ZPBP: variants seen among roughly 807,000 people sequenced by gnomAD.
ZPBP encodes zona pellucida binding protein, also known as zona pellucida-binding protein 1.
In ZPBP, 26 loss-of-function variants were observed where a neutral mutation model predicts 44.8. The observed-to-expected ratio is 0.58, with a 90% CI of 0.43 to 0.81. The LOEUF is 0.81. Among genes scored for constraint, ZPBP ranks in the 30% least tolerant of loss-of-function variants. The pLI, the probability that ZPBP is intolerant of heterozygous loss-of-function variation, is 0.00. For missense variants in ZPBP, 409 were observed against 434.0 expected (o/e 0.94, Z 0.51); for synonymous variants, 174 against 153.2 (o/e 1.14, Z -1.00).
At chr7:49,892,976 C>A (rs1406100243) in intron 2 of ZPBP, among the ~76,000 whole-genome samples, 3 of 152,082 alleles carry the variant, frequency 2.0e-5, no homozygotes, top group Non-Finnish European at 4.4e-5. Context: ...TTTAATGAAG[C>A]CTGTCCCCAA....
At chr7:50,037,529 G>C (rs1165918021) in intron 4 of ZPBP, among the ~76,000 whole-genome samples, 2 of 152,192 alleles carry the variant, frequency 1.3e-5, no homozygotes, top group Non-Finnish European at 2.9e-5. Flanking sequence ...GTCTTACCAT[G>C]ATGGAGCAGG....
intron 2 of ZPBP, among the ~76,000 whole-genome samples, chr7:49,870,414 A>G (rs898430032): frequency 6.6e-6 from 1 of 152,240 alleles, no homozygotes; most frequent in African/African-American, 2.4e-5. Context: ...AAATAAAAAA[A>G]TAAAAATTGT....
chr7:49,944,324 G>C (rs1041530120), intron 7 of ZPBP: 2 of 251,868 alleles, frequency 7.9e-6, no homozygotes, highest in Non-Finnish European at 1.6e-5. Flanking sequence ...ATTCAGGCCT[G>C]AGACTGTGGC....
At chr7:50,086,118 C>G (rs565694145) in intron 2 of ZPBP, among the ~76,000 whole-genome samples, 4 of 152,170 alleles carry the variant, frequency 2.6e-5, no homozygotes, top group African/African-American at 7.2e-5. Context: ...GCTAATTAAG[C>G]AGAGATTTCA....
chr7:50,072,133 G>A (rs1263824970), intron 3 of ZPBP, among the ~76,000 whole-genome samples: 1 of 152,236 alleles, frequency 6.6e-6, no homozygotes, highest in Admixed American at 6.5e-5. Flanking sequence ...CCTGGGGCCA[G>A]ACAACAGTCC....
chr7:50,080,402 C>T (rs1354884480), intron 3 of ZPBP, among the ~76,000 whole-genome samples: 12 of 151,640 alleles, frequency 7.9e-5, no homozygotes, highest in African/African-American at 2.7e-4. Context: ...TTTATCAATA[C>T]CTACTTTTCT....
chr7:49,976,958 CGG>C (rs955380807), intron 7 of ZPBP, among the ~76,000 whole-genome samples: 3 of 151,836 alleles, frequency 2.0e-5, no homozygotes, highest in Non-Finnish European at 4.4e-5. Flanking sequence ...AAAAATTACC[CGG>C]GCACGGTGGT....
At position 49,898,147 on chromosome 7, in the gene ZPBP, A is replaced by G. The variant is rs182899747; in HGVS notation, n.509+2971T>C. On this transcript the variant is annotated intron_variant and non_coding_transcript_variant, in intron 2 of 2. Coordinates refer to the ZPBP transcript ENST00000465922. ...TGTGTGTGTATGTATGTGTGTGTGT[A>G]TATATATGTGTATGCTTTATATGTG... Among the ~76,000 whole-genome samples the G allele has an allele frequency of 4.6e-3, 695 of 151,970 alleles. 4 individuals are homozygous for G. The highest frequency in any genetic ancestry group is 0.016 in the African/African-American group (657 of 41,448).
intron 3 of ZPBP, among the ~76,000 whole-genome samples, chr7:50,068,909 A>T (rs1391735554): frequency 6.6e-6 from 1 of 152,134 alleles, no homozygotes; most frequent in African/African-American, 2.4e-5. Flanking sequence ...CACCTCTGAG[A>T]TTTTTATATT....
intron 1 of ZPBP, among the ~76,000 whole-genome samples, chr7:49,922,630 T>C (rs1462424591): frequency 6.6e-6 from 1 of 152,154 alleles, no homozygotes; most frequent in African/African-American, 2.4e-5. Flanking sequence ...ACATTTCCTA[T>C]TGGAATAGCA....
rs181449111 is a variant in ZPBP, at chr7:50,089,727, C to A, written c.128-18G>T. 9.2e-5 allele frequency: 146 copies of A among 1,586,528 alleles called. No homozygotes were observed. The African/African-American group carries it at 1.7e-3, about 18-fold the overall frequency. On this transcript the variant is annotated intron_variant, in intron 1 of 7. Transcript: ENST00000046087. ...GTGTCCAACTATCAAAAAAAAAGAT[C>A]AACAATTTGTCTCATTAGATATTCT...
chr7:49,873,849 A>G (rs1487153471), intron 2 of ZPBP, among the ~76,000 whole-genome samples: 1 of 152,098 alleles, frequency 6.6e-6, no homozygotes, highest in African/African-American at 2.4e-5. Flanking sequence ...ATAATGTACT[A>G]CTACACAGCA....
At chr7:49,990,847 C>T (rs1797540003) in intron 6 of ZPBP, among the ~76,000 whole-genome samples, 1 of 152,096 alleles carries the variant, frequency 6.6e-6, no homozygotes, top group Non-Finnish European at 1.5e-5. Flanking sequence ...ACACACCTAA[C>T]AAGAAGTCTA....
intron 2 of ZPBP, among the ~76,000 whole-genome samples, chr7:49,851,451 G>GGGGACACTTGCTTAGC (rs1790175110): frequency 6.6e-6 from 1 of 152,196 alleles, no homozygotes; most frequent in Non-Finnish European, 1.5e-5. Flanking sequence ...CCACAGGAAA[G>GGGGACACTTGCTTAGC]GGGACACTTG....
intron 5 of ZPBP, 111 bp from the exon 6 acceptor site, chr7:50,018,427 T>C (rs908827019): frequency 3.2e-6 from 3 of 930,988 alleles, no homozygotes; most frequent in Admixed American, 2.3e-5. Context: ...CATTAAAATA[T>C]TAAGCAATTT....
downstream of ZPBP, among the ~76,000 whole-genome samples, chr7:49,934,802 A>G (rs1794566954): frequency 6.6e-6 from 1 of 152,170 alleles, no homozygotes; most frequent in Non-Finnish European, 1.5e-5. Flanking sequence ...CTCTTTTACC[A>G]TATTGCCAAA....
At chr7:49,976,202 G>A (rs552728983) in intron 7 of ZPBP, among the ~76,000 whole-genome samples, 132 of 152,126 alleles carry the variant, frequency 8.7e-4, no homozygotes, top group Middle Eastern at 6.8e-3. Context: ...ATATTTTTGC[G>A]TAGTCAATAT....
At chr7:49,970,088 C>T (rs556267046) in intron 7 of ZPBP, among the ~76,000 whole-genome samples, 6 of 152,108 alleles carry the variant, frequency 3.9e-5, no homozygotes, top group East Asian at 1.9e-4. Context: ...CTCGAACTCC[C>T]GACCTCAAGT....
intron 6 of ZPBP, among the ~76,000 whole-genome samples, chr7:50,012,129 C>T (rs1447809502): frequency 2.0e-5 from 3 of 150,790 alleles, no homozygotes; most frequent in Non-Finnish European, 4.4e-5. Flanking sequence ...ATAATCACTA[C>T]AAATCTTACA....
Sources: allele counts gnomAD v4.1 joint callset (sites outside exome capture counted in the v4.1 genomes callset), GRCh38; gene constraint gnomAD v4.1.1; transcripts MANE v1.5; gene names NCBI Gene and HGNC (gene_info 2026-07-23, HGNC 2026-07-21).